Variants in CNTN4 observed in about 807,000 individuals in gnomAD.
The protein encoded by CNTN4 is contactin 4.
Under a neutral mutation model 122.5 loss-of-function variants are expected in CNTN4, and 77 were observed. That is an observed-to-expected ratio of 0.63 (90% CI 0.52 to 0.76). The LOEUF (loss-of-function observed/expected upper bound fraction) is 0.76, where lower values mean the gene tolerates loss of function less well. CNTN4 is among the 30% of genes least tolerant of loss of function. The pLI, the probability that CNTN4 is intolerant of heterozygous loss-of-function variation, is 0.00. For synonymous variants in CNTN4, 512 were observed against 447.0 expected, an observed-to-expected ratio of 1.15 and a Z score of -1.83; for missense variants, 1,256 against 1,259.1, an observed-to-expected ratio of 1.00 and a Z score of 0.04.
chr3:2,956,066 T>A (rs1030902684), intron 13 of CNTN4, among the ~76,000 whole-genome samples: 25 of 152,150 alleles, frequency 1.6e-4, no homozygotes, highest in Non-Finnish European at 3.2e-4. Context: ...GAAGAATAAA[T>A]AAACAAACTG....
At chr3:2,187,980 G>A (rs1412042218) in intron 2 of CNTN4, among the ~76,000 whole-genome samples, 2 of 152,042 alleles carry the variant, frequency 1.3e-5, no homozygotes, top group Non-Finnish European at 2.9e-5. Flanking sequence ...AGCAAATCAA[G>A]TGGGTTTTAA....
intron 6 of CNTN4, among the ~76,000 whole-genome samples, chr3:2,785,645 A>G (rs913311339): frequency 5.9e-5 from 9 of 152,222 alleles, no homozygotes; most frequent in Non-Finnish European, 4.4e-5. Flanking sequence ...GGGAACTGGA[A>G]GGAAACTCGA....
At chr3:2,238,181 TTAAA>T (rs1322327569) in intron 2 of CNTN4, among the ~76,000 whole-genome samples, 2 of 152,182 alleles carry the variant, frequency 1.3e-5, no homozygotes, top group Admixed American at 1.3e-4. Flanking sequence ...ACCATTTTAT[TTAAA>T]TAAGTAAATA....
At chr3:2,431,173 A>T (rs2048055633) in intron 3 of CNTN4, among the ~76,000 whole-genome samples, 1 of 152,222 alleles carries the variant, frequency 6.6e-6, no homozygotes, top group Non-Finnish European at 1.5e-5. Flanking sequence ...TTCTATCAGT[A>T]GAGGAAAGGT....
intron 2 of CNTN4, among the ~76,000 whole-genome samples, chr3:2,211,877 GT>G (rs1187339399): frequency 1.3e-5 from 2 of 152,264 alleles, no homozygotes; most frequent in East Asian, 3.9e-4. Context: ...TATAGGGTAT[GT>G]TTTTAAAATT....
At chr3:2,349,244 T>C (rs758859424) in intron 3 of CNTN4, among the ~76,000 whole-genome samples, 2 of 115,870 alleles carry the variant, frequency 1.7e-5, no homozygotes, top group Non-Finnish European at 4.3e-5. Flanking sequence ...GTTGACGTAT[T>C]TTTTTTTTCA....
At chr3:2,278,164 T>A (rs1370493403) in intron 2 of CNTN4, among the ~76,000 whole-genome samples, 1 of 152,150 alleles carries the variant, frequency 6.6e-6, no homozygotes, top group African/African-American at 2.4e-5. Context: ...GAGAGGAGCC[T>A]CTAACATAGG....
intron 9 of CNTN4, among the ~76,000 whole-genome samples, chr3:2,885,747 C>A (rs771865593): frequency 1.3e-5 from 2 of 152,198 alleles, no homozygotes; most frequent in Non-Finnish European, 1.5e-5. Flanking sequence ...GCTTGGCTGG[C>A]TGATTCTTTT....
At chr3:2,217,946 T>G (rs2038916055) in intron 2 of CNTN4, among the ~76,000 whole-genome samples, 1 of 152,136 alleles carries the variant, frequency 6.6e-6, no homozygotes, top group Non-Finnish European at 1.5e-5. Flanking sequence ...GAGTTTAAAG[T>G]CTATCAGAGG....
intron 12 of CNTN4, among the ~76,000 whole-genome samples, chr3:2,907,148 T>C (rs2151187827): frequency 6.6e-6 from 1 of 152,360 alleles, no homozygotes; most frequent in Non-Finnish European, 1.5e-5. Context: ...ACAAGTCACT[T>C]TGTTCCTTAT....
intron 3 of CNTN4, among the ~76,000 whole-genome samples, chr3:2,508,798 T>C (rs1361338054): frequency 6.6e-6 from 1 of 152,216 alleles, no homozygotes; most frequent in Non-Finnish European, 1.5e-5. Flanking sequence ...GTTGGTCTCT[T>C]TTTTCCTTCT....
chr3:2,192,025 C>T (rs1449334813), intron 2 of CNTN4, among the ~76,000 whole-genome samples: 1 of 151,760 alleles, frequency 6.6e-6, no homozygotes, highest in African/African-American at 2.4e-5. Context: ...TGATGGTTTC[C>T]AGCTTCATCC....
At chr3:2,406,348 C>G (rs965539337) in intron 3 of CNTN4, among the ~76,000 whole-genome samples, 1 of 152,156 alleles carries the variant, frequency 6.6e-6, no homozygotes, top group South Asian at 2.1e-4. Flanking sequence ...TATATAACTT[C>G]AATCTCATCA....
intron 6 of CNTN4, among the ~76,000 whole-genome samples, chr3:2,791,539 A>G (rs2092010867): frequency 6.6e-6 from 1 of 151,950 alleles, no homozygotes; most frequent in South Asian, 2.1e-4. Flanking sequence ...TCTCAAAAAA[A>G]AAAAAAGATT....
intron 4 of CNTN4, among the ~76,000 whole-genome samples, chr3:2,611,774 G>C (rs111452461): frequency 0.022 from 3,285 of 152,250 alleles, 115 homozygotes; most frequent in African/African-American, 0.075. Context: ...ATAGAGGTTG[G>C]TGAGGAGACT....
intron 1 of CNTN4, chr3:2,099,870 C>G (rs1227727919): frequency 1.3e-5 from 2 of 152,510 alleles, no homozygotes; most frequent in East Asian, 3.9e-4. Flanking sequence ...CATTTTCTCT[C>G]TTGTGCTTCG....
intron 6 of CNTN4, among the ~76,000 whole-genome samples, chr3:2,809,786 A>G (rs764410915): frequency 5.9e-5 from 9 of 152,216 alleles, no homozygotes; most frequent in Admixed American, 3.3e-4. Flanking sequence ...CTCATGAGTT[A>G]GATAGGTGTA....
intron 3 of CNTN4, among the ~76,000 whole-genome samples, chr3:2,431,743 A>T (rs1575615376): frequency 6.6e-6 from 1 of 152,182 alleles, no homozygotes; most frequent in Non-Finnish European, 1.5e-5. Flanking sequence ...ATTTATTATT[A>T]TGTAGGAAAA....
At chr3:2,103,906 C>G (rs1172715546) in intron 2 of CNTN4, among the ~76,000 whole-genome samples, 1 of 152,062 alleles carries the variant, frequency 6.6e-6, no homozygotes, top group Non-Finnish European at 1.5e-5. Flanking sequence ...AGTTTTGGTT[C>G]CCAGTGGCTG....
Sources: allele counts gnomAD v4.1 joint callset (sites outside exome capture counted in the v4.1 genomes callset), GRCh38; gene constraint gnomAD v4.1.1; transcripts MANE v1.5; gene names NCBI Gene and HGNC (gene_info 2026-07-23, HGNC 2026-07-21).